The following ANAPC10 variants were observed in gnomAD, a reference collection of about 807,000 sequenced individuals.
The protein encoded by ANAPC10 is anaphase promoting complex subunit 10.
ANAPC10 carries 12 observed loss-of-function variants against 22.0 expected under a neutral mutation model. The observed-to-expected ratio is 0.55, with a 90% CI of 0.35 to 0.88. The LOEUF (loss-of-function observed/expected upper bound fraction) is 0.88, where lower values mean the gene tolerates loss of function less well. ANAPC10 is among the 40% of genes least tolerant of loss of function. The pLI, the probability that ANAPC10 is intolerant of heterozygous loss-of-function variation, is 0.01. For missense variants in ANAPC10, 188 were observed against 220.9 expected (o/e 0.85, Z 0.94); for synonymous variants, 65 against 69.5 (o/e 0.94, Z 0.32).
At chr4:145,066,107 T>C (rs1001684165) in intron 3 of ANAPC10, among the ~76,000 whole-genome samples, 1 of 152,132 alleles carries the variant, frequency 6.6e-6, no homozygotes, top group African/African-American at 2.4e-5. Flanking sequence ...TGAACAGAAG[T>C]ACTCTGTGTC....
intron 3 of ANAPC10, among the ~76,000 whole-genome samples, chr4:145,070,129 CT>C (rs142269280): frequency 1.4e-3 from 220 of 152,308 alleles, no homozygotes; most frequent in African/African-American, 5.0e-3. Context: ...AGTTTAAGAA[CT>C]TCTGCTCTAA....
At chr4:145,008,354 G>A (rs919671446) in intron 4 of ANAPC10, among the ~76,000 whole-genome samples, 2 of 152,150 alleles carry the variant, frequency 1.3e-5, no homozygotes, top group Non-Finnish European at 2.9e-5. Flanking sequence ...GCATCATCCT[G>A]ATACCAAAGT....
intron 2 of ANAPC10, among the ~76,000 whole-genome samples, chr4:145,083,401 AG>A (rs1746382537): frequency 1.3e-5 from 2 of 152,198 alleles, no homozygotes; most frequent in Non-Finnish European, 2.9e-5. Flanking sequence ...ATAAACACCT[AG>A]CTGTCTACAA....
At chr4:145,050,503 T>C (rs1330618803) in intron 4 of ANAPC10, among the ~76,000 whole-genome samples, 1 of 152,238 alleles carries the variant, frequency 6.6e-6, no homozygotes, top group African/African-American at 2.4e-5. Context: ...CAGCCTGTCC[T>C]GTGAAGCTTT....
chr4:145,082,163 T>C (rs972510478), intron 2 of ANAPC10, among the ~76,000 whole-genome samples: 1 of 152,256 alleles, frequency 6.6e-6, no homozygotes, highest in African/African-American at 2.4e-5. Flanking sequence ...TATTATATTT[T>C]TTTGAGACAG....
chr4:145,023,098 A>G (rs1736192719), intron 4 of ANAPC10, among the ~76,000 whole-genome samples: 1 of 152,174 alleles, frequency 6.6e-6, no homozygotes, highest in Non-Finnish European at 1.5e-5. Context: ...ACTATATAGC[A>G]GTGAGGATGA....
At chr4:145,016,727 A>C (rs1261926949) in intron 4 of ANAPC10, among the ~76,000 whole-genome samples, 5 of 152,224 alleles carry the variant, frequency 3.3e-5, no homozygotes, top group Admixed American at 3.3e-4. Flanking sequence ...ACTATACTAC[A>C]AGGCTACAGT....
intron 1 of ANAPC10, chr4:145,097,119 C>T (rs1453568950): frequency 4.8e-6 from 1 of 206,266 alleles, no homozygotes; most frequent in African/African-American, 2.4e-5. Context: ...AGGAGGATCA[C>T]CTGAACTGGG....
At chr4:145,012,345 T>G (rs1255946618) in intron 4 of ANAPC10, among the ~76,000 whole-genome samples, 1 of 151,738 alleles carries the variant, frequency 6.6e-6, no homozygotes, top group Non-Finnish European at 1.5e-5. Context: ...AAGAAGATAT[T>G]TTAAAGTGTA....
chr4:145,079,906 G>C (rs1281572577), intron 3 of ANAPC10, among the ~76,000 whole-genome samples: 1 of 152,006 alleles, frequency 6.6e-6, no homozygotes, highest in African/African-American at 2.4e-5. Flanking sequence ...CTGAGGTCAG[G>C]AGTTTGAGAC....
intron 3 of ANAPC10, among the ~76,000 whole-genome samples, chr4:145,068,493 T>C (rs1177859966): frequency 6.6e-6 from 1 of 152,244 alleles, no homozygotes; most frequent in Non-Finnish European, 1.5e-5. Context: ...AAATCGTTCT[T>C]CTTAACGTGC....
At chr4:145,041,804 A>G (rs187403657) in intron 4 of ANAPC10, among the ~76,000 whole-genome samples, 3 of 152,330 alleles carry the variant, frequency 2.0e-5, no homozygotes, top group African/African-American at 7.2e-5. Context: ...AACAATAATT[A>G]AAAGATTCAT....
chr4:144,995,590 A>T lies in ANAPC10; in HGVS notation c.341T>A (p.Val114Glu). Residue 114 changes from valine (V) to glutamate (E), a missense_variant, in exon 5 of 5, where the codon GTG becomes GAG. Physicochemically the swap from Val to Glu is moderately radical, Grantham distance 121. Transcript: ENST00000507656. Reference sequence around the variant, plus strand: ...AACATGAATCCAGCCACTTGGTTCCACCAACTCAAGTTGCTGCCAAGGGAA... The same window carrying T: ...AACATGAATCCAGCCACTTGGTTCCTCCAACTCAAGTTGCTGCCAAGGGAA... ...NLQEIRQLELVEPSGWIHVPL... is the reference protein window; with the variant it reads ...NLQEIRQLELEEPSGWIHVPL... The T allele has an allele frequency of 6.2e-7, 1 of 1,608,046 alleles. No homozygotes were observed. The highest frequency in any genetic ancestry group is 8.5e-7 in the Non-Finnish European group (1 of 1,178,166).
At chr4:145,014,555 C>G (rs781673853) in intron 4 of ANAPC10, among the ~76,000 whole-genome samples, 1 of 152,100 alleles carries the variant, frequency 6.6e-6, no homozygotes, top group African/African-American at 2.4e-5. Flanking sequence ...CTAGGCCCCC[C>G]GCCCACCGTC....
At chr4:145,003,207 A>C (rs546064924) in intron 4 of ANAPC10, among the ~76,000 whole-genome samples, 58 of 152,188 alleles carry the variant, frequency 3.8e-4, no homozygotes, top group Non-Finnish European at 7.1e-4. Context: ...ATTCTCTTTT[A>C]TGGCTGCACA....
Position 145,093,573 on chromosome 4 carries a change from A to G in ANAPC10, c.115+2412T>C, listed in dbSNP as rs531542426. On this transcript the variant is annotated intron_variant, in intron 2 of 4. Coordinates refer to ENST00000507656, the MANE Select transcript of ANAPC10 (RefSeq NM_001256706.2). Reference sequence around the variant, plus strand: ...TAACTATGAGTAAGATGTTAAAAAAAAAAAACAAAAACCTAGAAAGGTAGA... The same window carrying G: ...TAACTATGAGTAAGATGTTAAAAAAGAAAAACAAAAACCTAGAAAGGTAGA... Among the ~76,000 whole-genome samples the G allele has an allele frequency of 3.9e-5, 6 of 152,216 alleles. No homozygotes were observed. The East Asian group carries it at 1.2e-3, about 29-fold the overall frequency.
chr4:145,010,105 A>T (rs1734060554), intron 4 of ANAPC10, among the ~76,000 whole-genome samples: 1 of 152,166 alleles, frequency 6.6e-6, no homozygotes, highest in Non-Finnish European at 1.5e-5. Flanking sequence ...GAGAAATGCA[A>T]ATCAAAACCA....
In ANAPC10 at chr4:145,094,265, A is replaced by G. The variant is rs1299142595; in HGVS notation, c.115+1720T>C. ...CCAATAAGCTACATACAGTATTTAT[A>G]TCGGCATTCTGGGAAAGGCGAAACC... On this transcript the variant is annotated intron_variant, in intron 2 of 4. Coordinates refer to ENST00000507656, the MANE Select transcript of ANAPC10 (RefSeq NM_001256706.2). Among the ~76,000 whole-genome samples the G allele has an allele frequency of 2.6e-5, 4 of 152,218 alleles. No homozygotes were observed. The East Asian group carries it at 7.7e-4, about 29-fold the overall frequency.
At chr4:144,996,074 C>T (rs1023685810) in intron 4 of ANAPC10, among the ~76,000 whole-genome samples, 2 of 152,108 alleles carry the variant, frequency 1.3e-5, no homozygotes, top group Admixed American at 1.3e-4. Flanking sequence ...TGGGAAGTAC[C>T]AGAAGTAATT....
Sources: gnomAD v4.1 joint callset for allele counts (sites outside exome capture counted in the v4.1 genomes callset) on GRCh38, gnomAD v4.1.1 for gene constraint, MANE v1.5 for transcripts, NCBI Gene and HGNC (gene_info 2026-07-23, HGNC 2026-07-21) for gene names.